The following UNC13C variants were observed in gnomAD, a reference collection of about 807,000 sequenced individuals.
UNC13C encodes the protein unc-13 homolog C.
UNC13C carries 174 observed loss-of-function variants against 245.4 expected under a neutral mutation model. That is an observed-to-expected ratio of 0.71 (90% CI 0.63 to 0.80). The LOEUF is 0.80. Ranked by LOEUF, UNC13C falls within the 30% of genes least tolerant of loss-of-function variation. The probability of loss-of-function intolerance (pLI) is 0.00; values close to 1 mark genes in which losing one functional copy is unlikely to be tolerated. For synonymous variants in UNC13C, 992 were observed against 895.1 expected (o/e 1.11, Z -1.93); for missense variants, 2,829 against 2,602.9 (o/e 1.09, Z -1.89).
intron 21 of UNC13C, 121 bp downstream of exon 21, chr15:54,500,296 A>G (rs888212559): frequency 6.7e-6 from 5 of 750,312 alleles, no homozygotes; most frequent in African/African-American, 3.7e-5. Context: ...AGTGACCAAA[A>G]TTAATTTAAA....
intron 10 of UNC13C, among the ~76,000 whole-genome samples, chr15:54,266,570 G>A (rs912898999): frequency 5.3e-5 from 8 of 152,008 alleles, no homozygotes; most frequent in Non-Finnish European, 4.4e-5. Context: ...GTTGCCATGC[G>A]ATCATGTAGA....
chr15:54,369,101 GT>G (rs879711753), intron 17 of UNC13C, among the ~76,000 whole-genome samples: 21 of 151,974 alleles, frequency 1.4e-4, no homozygotes, highest in Admixed American at 6.6e-5. Flanking sequence ...ATTTTCTCTA[GT>G]TAGCACAATT....
intron 30 of UNC13C, among the ~76,000 whole-genome samples, chr15:54,610,049 C>T (rs145591142): frequency 0.039 from 5,959 of 152,202 alleles, 222 homozygotes; most frequent in Admixed American, 0.12. Flanking sequence ...ATTATGGGAA[C>T]CGCAATTCAA....
chr15:54,282,905 C>T (rs1387878037), intron 10 of UNC13C, among the ~76,000 whole-genome samples: 7 of 152,182 alleles, frequency 4.6e-5, no homozygotes, highest in Admixed American at 3.9e-4. Context: ...CTCTCCTCTA[C>T]TGACTGAATC....
intron 30 of UNC13C, among the ~76,000 whole-genome samples, chr15:54,616,640 T>G (rs1016773316): frequency 1.3e-5 from 2 of 152,034 alleles, no homozygotes; most frequent in Non-Finnish European, 2.9e-5. Context: ...AAAGATGATG[T>G]TTTTATACAG....
At chr15:54,284,925 A>G (rs944223687) in intron 10 of UNC13C, among the ~76,000 whole-genome samples, 1 of 152,164 alleles carries the variant, frequency 6.6e-6, no homozygotes, top group Non-Finnish European at 1.5e-5. Flanking sequence ...CGGAGAAATT[A>G]TTAGATATAA....
intron 19 of UNC13C, among the ~76,000 whole-genome samples, chr15:54,488,069 C>A (rs1893517146): frequency 6.6e-6 from 1 of 152,140 alleles, no homozygotes; most frequent in Admixed American, 6.5e-5. Flanking sequence ...TGGAAAATGG[C>A]AACTCATCCT....
At position 54,125,442 on chromosome 15, in the gene UNC13C, G is replaced by A. The variant is rs932300534; in HGVS notation, c.2984-17576G>A. Among the ~76,000 whole-genome samples, 4 of 152,226 alleles carry A rather than the reference G, an allele frequency of 2.6e-5. No homozygotes were observed. The South Asian group carries it at 6.2e-4, about 24-fold the overall frequency. ...TGCGCCACTGCACTCCAGCCCGGGC[G>A]ACAGTGTGAGATTCCATCTAAAAAG... On this transcript the variant is annotated intron_variant, in intron 2 of 32. Coordinates refer to ENST00000260323, the MANE Select transcript of UNC13C (RefSeq NM_001080534.3).
intron 17 of UNC13C, among the ~76,000 whole-genome samples, chr15:54,361,700 C>T (rs191726371): frequency 1.3e-4 from 20 of 152,276 alleles, no homozygotes; most frequent in Admixed American, 3.9e-4. Flanking sequence ...GGACTTACAG[C>T]GAGCACTAGA....
the UNC13C span, among the ~76,000 whole-genome samples, chr15:53,864,820 A>G: frequency 6.6e-6 from 1 of 152,242 alleles, no homozygotes; most frequent in Non-Finnish European, 1.5e-5. Context: ...TATTCATTTC[A>G]GAAAGCATGA....
intron 27 of UNC13C, among the ~76,000 whole-genome samples, chr15:54,547,258 T>C (rs1166795315): frequency 6.6e-6 from 1 of 152,184 alleles, no homozygotes; most frequent in Non-Finnish European, 1.5e-5. Context: ...CACCTTTCTA[T>C]TATGCTTTCA....
intron 13 of UNC13C, among the ~76,000 whole-genome samples, chr15:54,301,606 A>G (rs2037584670): frequency 6.6e-6 from 1 of 152,162 alleles, no homozygotes; most frequent in African/African-American, 2.4e-5. Context: ...TGTCCCTGCA[A>G]AGGACATGAA....
At chr15:54,307,356 A>T (rs1467938398) in intron 13 of UNC13C, among the ~76,000 whole-genome samples, 1 of 151,908 alleles carries the variant, frequency 6.6e-6, no homozygotes, top group South Asian at 2.1e-4. Flanking sequence ...CTTTTATAAG[A>T]CAACTAAAAT....
rs550526112 is a variant in UNC13C at position 54,294,662 on chromosome 15, T to C, written c.3988+598T>C. 2.6e-5 allele frequency among the ~76,000 whole-genome samples: 4 copies of C among 152,204 alleles called. No individual in the cohort carries two copies. The South Asian group carries it at 6.2e-4, about 24-fold the overall frequency. On this transcript the variant is annotated intron_variant, in intron 11 of 32. Coordinates refer to ENST00000260323, the MANE Select transcript of UNC13C (RefSeq NM_001080534.3). Reference sequence around the variant, plus strand: ...CTTTTACTAGAATAAAATAATAACATAGAATTTTCTGTGGTGATTTAATAG... The same window carrying C: ...CTTTTACTAGAATAAAATAATAACACAGAATTTTCTGTGGTGATTTAATAG...
intron 21 of UNC13C, among the ~76,000 whole-genome samples, chr15:54,500,570 G>T (rs868520913): frequency 2.6e-5 from 4 of 152,110 alleles, no homozygotes; most frequent in Middle Eastern, 3.4e-3. Context: ...CTAACCTATT[G>T]CCTGTGGAGA....
chr15:54,065,652 G>A (rs1898041871), intron 2 of UNC13C, among the ~76,000 whole-genome samples: 1 of 152,202 alleles, frequency 6.6e-6, no homozygotes, highest in Admixed American at 6.5e-5. Context: ...TTGCCATCCT[G>A]GAATTCTTCA....
chr15:54,219,337 A>C (rs1596026794), intron 4 of UNC13C, among the ~76,000 whole-genome samples: 1 of 152,074 alleles, frequency 6.6e-6, no homozygotes, highest in South Asian at 2.1e-4. Context: ...TGACAAAAAC[A>C]AGCAATGGGG....
At chr15:54,082,949 G>T (rs556516549) in intron 2 of UNC13C, among the ~76,000 whole-genome samples, 1 of 152,254 alleles carries the variant, frequency 6.6e-6, no homozygotes, top group East Asian at 1.9e-4. Context: ...CTCCTGCTGT[G>T]CTCCGGGTGT....
chr15:54,294,423 T>TC (rs1300031338), intron 11 of UNC13C, among the ~76,000 whole-genome samples: 1 of 152,130 alleles, frequency 6.6e-6, no homozygotes, highest in African/African-American at 2.4e-5. Flanking sequence ...CTTATTTCCT[T>TC]CTTGTCCATT....
Sources: allele counts gnomAD v4.1 joint callset (sites outside exome capture counted in the v4.1 genomes callset), GRCh38; gene constraint gnomAD v4.1.1; transcripts MANE v1.5; gene names NCBI Gene and HGNC (gene_info 2026-07-23, HGNC 2026-07-21).